Variants in ELMO2 observed in about 807,000 individuals in gnomAD.
ELMO2 encodes the protein engulfment and cell motility protein 2.
ELMO2 carries 37 observed loss-of-function variants against 96.2 expected under a neutral mutation model. The observed-to-expected ratio is 0.38, with a 90% CI of 0.30 to 0.51. ELMO2 has a LOEUF of 0.51. Among genes scored for constraint, ELMO2 ranks in the 20% least tolerant of loss-of-function variants. The pLI, the probability that ELMO2 is intolerant of heterozygous loss-of-function variation, is 0.88. For synonymous variants in ELMO2, 315 were observed against 329.4 expected (o/e 0.96, Z 0.47); for missense variants, 561 against 912.6 (o/e 0.61, Z 4.96).
intron 6 of ELMO2, among the ~76,000 whole-genome samples, chr20:46,389,477 T>C (rs1296558244): frequency 6.6e-6 from 1 of 152,204 alleles, no homozygotes; most frequent in African/African-American, 2.4e-5. Context: ...ACCAAGGGAA[T>C]ACTGGAGGCA....
intron 11 of ELMO2, chr20:46,376,577 C>T (rs1244512273): frequency 1.6e-6 from 2 of 1,261,636 alleles, no homozygotes; most frequent in Middle Eastern, 2.2e-4. Context: ...GCTATGTCTC[C>T]CTCGGTCTGT....
At chr20:46,385,032 T>C (rs1340715546) in intron 9 of ELMO2, among the ~76,000 whole-genome samples, 1 of 152,142 alleles carries the variant, frequency 6.6e-6, no homozygotes, top group African/African-American at 2.4e-5. Flanking sequence ...AAAGAAATAA[T>C]TGTGCTTTCT....
intron 1 of ELMO2, among the ~76,000 whole-genome samples, chr20:46,403,099 C>T (rs11698585): frequency 0.066 from 9,974 of 152,268 alleles, 379 homozygotes; most frequent in East Asian, 0.18. Flanking sequence ...GAATTCTAAC[C>T]GTGTGAACCT....
Position 46,404,933 on chromosome 20 carries a change from GA to G in ELMO2, c.-126+1614del, listed in dbSNP as rs555604136. Among the ~76,000 whole-genome samples the G allele has an allele frequency of 1.1e-4, 16 of 152,126 alleles. No individual in the cohort carries two copies. In the East Asian group the frequency reaches 3.1e-3, roughly 29 times the overall value. On this transcript the variant is annotated intron_variant, in intron 1 of 21. Transcript: ENST00000290246. The stretch of plus-strand genomic sequence containing the variant: ...TAGACAGCAGCATCACTCTAGCATA[GA>G]GCCTGGCACACAAAAAGCATTCCAA...
Position 46,375,636 on chromosome 20 carries a change from A to G in ELMO2, c.930+32T>C. 1.9e-6 allele frequency: 3 copies of G among 1,613,756 alleles called. No homozygotes were observed. Among genetic ancestry groups the G allele is most frequent in the Non-Finnish European group, 2.5e-6 (3 of 1,179,672 alleles). ...ACTAAGGCTGGACTGCACCACAGCC[A>G]TGAGAAAACAGCTGCCCCACTTAGC... On this transcript the variant is annotated intron_variant, in intron 12 of 21. Transcript: ENST00000290246. The surrounding 1 kb of genome is among the most constrained non-coding windows in gnomAD (Gnocchi z 4.6).
chr20:46,377,172 A>ATTT (rs1555826419), intron 11 of ELMO2, among the ~76,000 whole-genome samples: 2 of 152,182 alleles, frequency 1.3e-5, no homozygotes, highest in African/African-American at 4.8e-5. Context: ...GGCCCATGAA[A>ATTT]TGTTAGGCCA....
Position 46,375,188 on chromosome 20 carries a change from C to T in ELMO2, c.1065+48G>A, listed in dbSNP as rs533658558. 3 of 1,590,300 alleles carry T rather than the reference C, an allele frequency of 1.9e-6. No individual in the cohort carries two copies. Among genetic ancestry groups the T allele is most frequent in the Non-Finnish European group, 2.6e-6 (3 of 1,168,928 alleles). On this transcript the variant is annotated intron_variant, in intron 13 of 21. Coordinates refer to ENST00000290246, the MANE Select transcript of ELMO2 (RefSeq NM_133171.5). The surrounding 1 kb of genome is among the most constrained non-coding windows in gnomAD (Gnocchi z 4.6). ...TCTGTCTGGGTGGGACCATTGACTTCCCATCAGGGGAGAGGGCCTACCACC... is the reference window on the plus strand; with the variant it reads ...TCTGTCTGGGTGGGACCATTGACTTTCCATCAGGGGAGAGGGCCTACCACC...
rs911699508 is a variant in ELMO2, at chr20:46,380,379, G to A, written c.757-76C>T. 40 of 1,254,962 alleles carry A rather than the reference G, an allele frequency of 3.2e-5. No homozygotes were observed. The Admixed American group carries it at 7.8e-4, about 25-fold the overall frequency. The allele number at this position is 1,254,962 out of a possible 1,614,324, so 77.7% of individuals were successfully genotyped here. A position where few individuals can be genotyped will look rare whatever the true frequency, so the allele number is the denominator to read the frequency against. ...TGACTACTATCGAGAGGAAGGTGAT[G>A]TCAAAATTCTGGGCCTTTTTTGCTT... On this transcript the variant is annotated intron_variant, in intron 10 of 21. Transcript: ENST00000290246.
At chr20:46,377,418 T>C (rs1029557869) in intron 11 of ELMO2, among the ~76,000 whole-genome samples, 2 of 152,208 alleles carry the variant, frequency 1.3e-5, no homozygotes, top group African/African-American at 4.8e-5. Flanking sequence ...CTATGTCCAC[T>C]GGACGGTCCT....
At chr20:46,378,993 T>C (rs1303150446) in intron 11 of ELMO2, among the ~76,000 whole-genome samples, 1 of 152,156 alleles carries the variant, frequency 6.6e-6, no homozygotes, top group Non-Finnish European at 1.5e-5. Context: ...GTTGATAAAG[T>C]TGCCTCCTTT....
Position 46,382,672 on chromosome 20 carries a change from C to G in ELMO2, c.756+744G>C, listed in dbSNP as rs1345722855. Among the ~76,000 whole-genome samples the G allele has an allele frequency of 2.0e-5, 3 of 152,188 alleles. No individual in the cohort carries two copies. The East Asian group carries it at 5.8e-4, about 29-fold the overall frequency. On this transcript the variant is annotated intron_variant, in intron 10 of 21. Transcript: ENST00000290246. ...GTCCCAGGCCCCTCGGCTCTTAGGTCAGTGTTTGTTCCACCACCCAGCTGA... is the reference window on the plus strand; with the variant it reads ...GTCCCAGGCCCCTCGGCTCTTAGGTGAGTGTTTGTTCCACCACCCAGCTGA...
At position 46,371,391 on chromosome 20, in the gene ELMO2, G is replaced by T. The variant is rs1177591911; in HGVS notation, c.1762C>A (p.Pro588Thr). ...VLHYGDLDDN[P>T]QGEVTFESLQ... is the part of the protein sequence containing the mutation. ...GATTCAAATGTCACCTCCCCTTGTG[G>T]GTTGTCATCCAAGTCACCATAGTGA... The change falls in exon 19 of 22, where the codon CCA becomes ACA. Residue 588 changes from proline (P) to threonine (T), a missense_variant. Transcript: ENST00000290246. This position sits in a 1 kb window ranked among gnomAD's most constrained non-coding sequence, Gnocchi z 5.9. The T allele has an allele frequency of 5.6e-6, 9 of 1,614,236 alleles. No homozygotes were observed. The highest frequency in any genetic ancestry group is 5.1e-6 in the Non-Finnish European group (6 of 1,180,044).
chr20:46,370,387 A>G, intron 20 of ELMO2, 56 bp downstream of exon 20: 2 of 1,514,316 alleles, frequency 1.3e-6, no homozygotes, highest in Non-Finnish European at 1.8e-6. Flanking sequence ...AACCACCACC[A>G]ATGGCACTCT....
At chr20:46,380,202 G>C in intron 11 of ELMO2, 51 bp downstream of exon 11, 1 of 1,393,140 alleles carries the variant, frequency 7.2e-7, no homozygotes, top group Non-Finnish European at 1.0e-6. Context: ...AACAATAACA[G>C]TAATAATTGT....
chr20:46,375,848 C>T lies in ELMO2; in HGVS notation c.808-58G>A. On this transcript the variant is annotated intron_variant, in intron 11 of 21. Transcript: ENST00000290246. This position sits in a 1 kb window ranked among gnomAD's most constrained non-coding sequence, Gnocchi z 4.6. The stretch of plus-strand genomic sequence containing the variant: ...GAACTGATCTCTTTTAATGAAGGGC[C>T]ACATCCATGCTAAGGAAAAGGAATG... 1.9e-6 allele frequency: 3 copies of T among 1,603,002 alleles called. No individual in the cohort carries two copies. Among genetic ancestry groups the T allele is most frequent in the Non-Finnish European group, 1.7e-6 (2 of 1,172,536 alleles).
intron 21 of ELMO2, 135 bp downstream of exon 21, chr20:46,368,756 C>T: frequency 1.1e-6 from 1 of 891,682 alleles, no homozygotes; most frequent in South Asian, 1.6e-5. Flanking sequence ...CCACCTTCTT[C>T]TCAAAGCCTT....
intron 10 of ELMO2, chr20:46,382,253 A>G (rs1451775889): frequency 1.6e-6 from 2 of 1,289,866 alleles, no homozygotes; most frequent in Non-Finnish European, 1.0e-6. Context: ...TGCCGGCAGA[A>G]AGCAAAAGCA....
In ELMO2 at chr20:46,366,279, A is replaced by C. The variant is rs1012594823; in HGVS notation, c.*1081T>G. On this transcript the variant is annotated 3_prime_UTR_variant, in exon 22 of 22. Coordinates refer to ENST00000290246, the MANE Select transcript of ELMO2 (RefSeq NM_133171.5). ...AATGAAAATATATAGTACACTCTTC[A>C]TTGGGTAGTACCTACCATGCCAGGC... 4 of 152,676 alleles carry C rather than the reference A, an allele frequency of 2.6e-5. No homozygotes were observed. Among genetic ancestry groups the C allele is most frequent in the African/African-American group, 9.6e-5 (4 of 41,462 alleles). 9.5% of individuals were successfully genotyped at this position (152,676 alleles called of 1,614,324 possible). A position where few individuals can be genotyped will look rare whatever the true frequency, so the allele number is the denominator to read the frequency against.
In ELMO2 at chr20:46,371,476, G is replaced by A. The variant is rs1157137614; in HGVS notation, c.1694-17C>T. ...AGAACCGTTCTGGAACACAAGGGAA[G>A]CCAAACAGGTGAGCAACGACAGTAC... On this transcript the variant is annotated splice_polypyrimidine_tract_variant and intron_variant, in intron 18 of 21. Coordinates refer to ENST00000290246, the MANE Select transcript of ELMO2 (RefSeq NM_133171.5). The surrounding 1 kb of genome is among the most constrained non-coding windows in gnomAD (Gnocchi z 5.9). 2.5e-6 allele frequency: 4 copies of A among 1,613,976 alleles called. No homozygotes were observed. Among genetic ancestry groups the A allele is most frequent in the East Asian group, 4.5e-5 (2 of 44,900 alleles).
Sources: gnomAD v4.1 joint callset for allele counts (sites outside exome capture counted in the v4.1 genomes callset) on GRCh38, gnomAD v4.1.1 for gene constraint, Gnocchi (gnomAD v3.1) non-coding constraint, MANE v1.5 for transcripts, NCBI Gene and HGNC (gene_info 2026-07-23, HGNC 2026-07-21) for gene names.